Variants in SOD2 observed in about 807,000 individuals in gnomAD.
SOD2 encodes the protein superoxide dismutase 2.
SOD2 carries 11 observed loss-of-function variants against 27.0 expected under a neutral mutation model. The ratio of observed to expected loss-of-function variants is 0.41; its 90% CI spans 0.26 to 0.67. SOD2 has a LOEUF of 0.67. Ranked by LOEUF, SOD2 falls within the 30% of genes least tolerant of loss-of-function variation. The pLI, the probability that SOD2 is intolerant of heterozygous loss-of-function variation, is 0.34. For missense variants in SOD2, 250 were observed against 274.5 expected (o/e 0.91, Z 0.63); for synonymous variants, 105 against 103.0 (o/e 1.02, Z -0.12).
At chr6:159,728,347 C>G (rs187676365), upstream of SOD2, among the ~76,000 whole-genome samples, 5 of 152,160 alleles carry the variant, frequency 3.3e-5, no homozygotes, top group African/African-American at 1.2e-4. Flanking sequence ...AAGAAAGTCA[C>G]TTGGTTGTTT....
chr6:159,761,425 C>T, exon 1 of SOD2: 1 of 427,400 alleles, frequency 2.3e-6, no homozygotes, highest in Non-Finnish European at 4.6e-6. Context: ...CGTCCTCACC[C>T]GTTCACAGCC....
intron 1 of SOD2, chr6:159,739,150 A>T: frequency 1.1e-6 from 1 of 894,790 alleles, no homozygotes; most frequent in African/African-American, 1.7e-5. Context: ...ATGTTGTTCT[A>T]TCCTCAAATA....
At chr6:159,719,709 T>C (rs1583045518) in intron 1 of SOD2, among the ~76,000 whole-genome samples, 2 of 142,416 alleles carry the variant, frequency 1.4e-5, no homozygotes, top group East Asian at 4.0e-4. Flanking sequence ...TAACTCAGTA[T>C]TATGGTTTTT....
chr6:159,762,007 C>T (rs780088156), exon 1 of SOD2: 2 of 1,547,000 alleles, frequency 1.3e-6, no homozygotes, highest in South Asian at 1.2e-5. Flanking sequence ...AGGTCCCGCC[C>T]GCGGCAGGCC....
rs935973044 is a variant in SOD2, at chr6:159,671,989, T to C, written c.*10504A>G. 1.3e-5 allele frequency: 2 copies of C among 152,170 alleles called. No homozygotes were observed. The highest frequency in any genetic ancestry group is 1.3e-4 in the Admixed American group (2 of 15,266). 9.4% of individuals were successfully genotyped at this position (152,170 alleles called of 1,614,324 possible). A position where few individuals can be genotyped will look rare whatever the true frequency, so the allele number is the denominator to read the frequency against. Reference sequence around the variant, plus strand: ...ATTCGATCAACTGGAAGAAAGGTTATCAGTGATTGAAGATCAGATGAATGA... The same window carrying C: ...ATTCGATCAACTGGAAGAAAGGTTACCAGTGATTGAAGATCAGATGAATGA... On this transcript the variant is annotated 3_prime_UTR_variant, in exon 5 of 5. Coordinates refer to ENST00000538183, the MANE Select transcript of SOD2 (RefSeq NM_000636.4).
At chr6:159,726,981 G>A in intron 1 of SOD2, 1 of 1,280,824 alleles carries the variant, frequency 7.8e-7, no homozygotes, top group Admixed American at 2.3e-5. Context: ...GGCCAATCAC[G>A]CGCCGCCTTC....
At chr6:159,689,190 G>T (rs535763754) in intron 2 of SOD2, among the ~76,000 whole-genome samples, 3 of 152,250 alleles carry the variant, frequency 2.0e-5, no homozygotes, top group African/African-American at 7.2e-5. Context: ...GACCAACTTG[G>T]ATGTTCCCCT....
Position 159,682,447 on chromosome 6 carries a change from A to G in SOD2, c.*46T>C. On this transcript the variant is annotated 3_prime_UTR_variant, in exon 5 of 5. Coordinates refer to ENST00000538183, the MANE Select transcript of SOD2 (RefSeq NM_000636.4). ...TTCTGCAGTACTCTATACCACTACA[A>G]AAACAGTCATAAAGAGCTTAACATA... The G allele has an allele frequency of 1.3e-6, 2 of 1,584,840 alleles. No homozygotes were observed. Among genetic ancestry groups the G allele is most frequent in the African/African-American group, 1.3e-5 (1 of 74,450 alleles).
intron 1 of SOD2, among the ~76,000 whole-genome samples, chr6:159,751,411 T>C (rs1423065452): frequency 6.6e-6 from 1 of 152,236 alleles, no homozygotes; most frequent in African/African-American, 2.4e-5. Flanking sequence ...ATGAAATATA[T>C]ATACTTTGCA....
chr6:159,748,151 C>T, upstream of SOD2: 3 of 1,576,118 alleles, frequency 1.9e-6, no homozygotes, highest in Non-Finnish European at 2.6e-6. The surrounding 1 kb of genome is among the most constrained non-coding windows in gnomAD (Gnocchi z 5.6). Flanking sequence ...ATGTATGTTT[C>T]CTTTGATTTG....
At chr6:159,744,836 A>G (rs1026774450) in intron 1 of SOD2, among the ~76,000 whole-genome samples, 2 of 152,142 alleles carry the variant, frequency 1.3e-5, no homozygotes, top group African/African-American at 4.8e-5. Context: ...TGCGCCACCA[A>G]GCGCAGCTAA....
At chr6:159,687,134 A>G (rs1562420753) in intron 3 of SOD2, among the ~76,000 whole-genome samples, 2 of 152,210 alleles carry the variant, frequency 1.3e-5, no homozygotes, top group East Asian at 1.9e-4. Flanking sequence ...ACATAGATGA[A>G]AAAAGGTACA....
intron 3 of SOD2, among the ~76,000 whole-genome samples, chr6:159,687,880 G>A (rs932427225): frequency 1.3e-5 from 2 of 151,384 alleles, no homozygotes; most frequent in South Asian, 2.1e-4. Flanking sequence ...GCGTGGTGGC[G>A]GGCGCCTGTA....
upstream of SOD2, among the ~76,000 whole-genome samples, chr6:159,747,246 A>G (rs1356357284): frequency 2.0e-5 from 3 of 152,172 alleles, no homozygotes; most frequent in Admixed American, 6.5e-5. Context: ...TTAGTGTGCT[A>G]GTAAATAGCA....
At chr6:159,756,876 T>C (rs1780021941) in intron 1 of SOD2, among the ~76,000 whole-genome samples, 3 of 152,188 alleles carry the variant, frequency 2.0e-5, no homozygotes. Flanking sequence ...CGTGTTGGGA[T>C]TGCAGGAGTG....
At chr6:159,755,758 TTC>T in intron 1 of SOD2, 6 of 988,212 alleles carry the variant, frequency 6.1e-6, no homozygotes, top group South Asian at 4.1e-5. Flanking sequence ...TGTTTTTTTT[TTC>T]TTTTCTTTTT....
chr6:159,726,872 T>G (rs1385897520), intron 1 of SOD2: 1 of 1,289,120 alleles, frequency 7.8e-7, no homozygotes, highest in South Asian at 1.2e-5. Context: ...CTGCTAAGAG[T>G]AAACGCCCGC....
At position 159,671,884 on chromosome 6, in the gene SOD2, G is replaced by C. The variant is rs1250888174; in HGVS notation, c.*10609C>G. On this transcript the variant is annotated 3_prime_UTR_variant, in exon 5 of 5. Transcript: ENST00000538183. Reference sequence around the variant, plus strand: ...ATGGCTAACTAGAATAACCAGCATAGAGAAGTCCTTAAATGACCTGATGGA... The same window carrying C: ...ATGGCTAACTAGAATAACCAGCATACAGAAGTCCTTAAATGACCTGATGGA... The C allele has an allele frequency of 6.6e-6, 1 of 152,196 alleles. No homozygotes were observed. The highest frequency in any genetic ancestry group is 6.5e-5 in the Admixed American group (1 of 15,284). The allele number at this position is 152,196 out of a possible 1,614,324, so 9.4% of individuals were successfully genotyped here. A position where few individuals can be genotyped will look rare whatever the true frequency, so the allele number is the denominator to read the frequency against.
At chr6:159,742,952 G>T (rs975576399) in intron 1 of SOD2, among the ~76,000 whole-genome samples, 1 of 152,064 alleles carries the variant, frequency 6.6e-6, no homozygotes, top group African/African-American at 2.4e-5. Flanking sequence ...GCTGCAGTGA[G>T]CCCTGATTGT....
Sources: allele counts gnomAD v4.1 joint callset (sites outside exome capture counted in the v4.1 genomes callset), GRCh38; gene constraint gnomAD v4.1.1; non-coding constraint Gnocchi (gnomAD v3.1); transcripts MANE v1.5; gene names NCBI Gene and HGNC (gene_info 2026-07-23, HGNC 2026-07-21).